Variants in TNFSF18 observed in about 807,000 individuals in gnomAD.
TNFSF18 encodes TNF superfamily member 18, also known as tumor necrosis factor ligand superfamily member 18.
Under a neutral mutation model 9.6 loss-of-function variants are expected in TNFSF18, and 6 were observed. The ratio of observed to expected loss-of-function variants is 0.63; its 90% CI spans 0.34 to 1.24. TNFSF18 has a LOEUF of 1.24. Ranked by LOEUF, TNFSF18 falls within the 50% of genes most tolerant of loss-of-function variation. The pLI is 0.03. For synonymous variants in TNFSF18, 68 were observed against 71.7 expected, an observed-to-expected ratio of 0.95 and a Z score of 0.26; for missense variants, 210 against 201.0, an observed-to-expected ratio of 1.04 and a Z score of -0.27.
At chr1:173,044,099 T>C (rs1354380263) in intron 1 of TNFSF18, 130 bp from the exon 2 acceptor site, 11 of 864,798 alleles carry the variant, frequency 1.3e-5, no homozygotes, top group Non-Finnish European at 2.1e-5. Context: ...AATCCTTCCC[T>C]TCACCATGTC....
intron 2 of TNFSF18, among the ~76,000 whole-genome samples, chr1:173,042,296 A>G (rs1665006857): frequency 6.6e-6 from 1 of 152,158 alleles, no homozygotes; most frequent in Non-Finnish European, 1.5e-5. Context: ...CTTTGAATGT[A>G]AAATTTTTTA....
At chr1:173,042,158 G>T (rs1665004939) in intron 2 of TNFSF18, among the ~76,000 whole-genome samples, 1 of 152,064 alleles carries the variant, frequency 6.6e-6, no homozygotes, top group Non-Finnish European at 1.5e-5. Flanking sequence ...CCTTAATTAT[G>T]CTATATTAAA....
rs181564227 is a variant in TNFSF18 at position 173,048,446 on chromosome 1, T to A, written c.156+2295A>T. Among the ~76,000 whole-genome samples, 316 of 152,272 alleles carry A rather than the reference T, an allele frequency of 2.1e-3. 3 individuals carry two copies. The highest frequency in any genetic ancestry group is 0.019 in the South Asian group (91 of 4,812). ...AATCTGCTCTGCTTTTAAGTATAAG[T>A]ACAACTTCCCCTTCTGAAAGTATCC... On this transcript the variant is annotated intron_variant, in intron 1 of 2. Coordinates refer to ENST00000404377, the MANE Select transcript of TNFSF18 (RefSeq NM_005092.4).
intron 1 of TNFSF18, among the ~76,000 whole-genome samples, chr1:173,045,370 T>C (rs916890530): frequency 6.6e-6 from 1 of 152,198 alleles, no homozygotes; most frequent in South Asian, 2.1e-4. Context: ...AAGTATTTCA[T>C]GAAGGACGAG....
chr1:173,039,912 C>G lies in TNFSF18; in HGVS notation c.*1455G>C, dbSNP rs978211146. On this transcript the variant is annotated 3_prime_UTR_variant, in exon 3 of 3. Coordinates refer to ENST00000404377, the MANE Select transcript of TNFSF18 (RefSeq NM_005092.4). The stretch of plus-strand genomic sequence containing the variant: ...AACTTGGCCTCAGGCTTAGCATGCT[C>G]CTGAGCAATTTTTGTTAAACAAAAT... 1 of 150,600 alleles carries G rather than the reference C, an allele frequency of 6.6e-6. No individual in the cohort carries two copies. Among genetic ancestry groups the G allele is most frequent in the Non-Finnish European group, 1.5e-5 (1 of 67,778 alleles). 9.3% of individuals were successfully genotyped at this position (150,600 alleles called of 1,614,324 possible).
Position 173,044,004 on chromosome 1 carries a change from G to A in TNFSF18, c.157-35C>T. The A allele has an allele frequency of 1.9e-6, 3 of 1,589,344 alleles. No homozygotes were observed. In the East Asian group the frequency reaches 6.7e-5, roughly 36 times the overall value. On this transcript the variant is annotated intron_variant, in intron 1 of 2. Coordinates refer to ENST00000404377, the MANE Select transcript of TNFSF18 (RefSeq NM_005092.4). ...AAATAAAAGATGAATTGATTAGGATGATGACAGTGTCATTAATTTTTTTGA... is the reference window on the plus strand; with the variant it reads ...AAATAAAAGATGAATTGATTAGGATAATGACAGTGTCATTAATTTTTTTGA...
intron 2 of TNFSF18, among the ~76,000 whole-genome samples, chr1:173,042,152 A>T (rs1024332675): frequency 6.6e-6 from 1 of 152,154 alleles, no homozygotes; most frequent in South Asian, 2.1e-4. Flanking sequence ...GGCTTTCCTT[A>T]ATTATGCTAT....
chr1:173,044,265 C>A (rs918379958), intron 1 of TNFSF18, among the ~76,000 whole-genome samples: 13 of 151,536 alleles, frequency 8.6e-5, no homozygotes, highest in Non-Finnish European at 8.8e-5. Context: ...ACCCCCCCCC[C>A]AACCTTGGGC....
At chr1:173,049,871 T>A (rs1665141424) in intron 1 of TNFSF18, among the ~76,000 whole-genome samples, 1 of 152,176 alleles carries the variant, frequency 6.6e-6, no homozygotes, top group Non-Finnish European at 1.5e-5. Flanking sequence ...TGAGGAAAGA[T>A]TTTTTAGTAA....
rs1193768964 is a variant in TNFSF18, at chr1:173,040,116, A to G, written c.*1251T>C. On this transcript the variant is annotated 3_prime_UTR_variant, in exon 3 of 3. Transcript: ENST00000404377. ...AAATTTTGAATTAGTGCTATTTATT[A>G]TTTTAGAAGTTAGCACATTTGACTA... 4 of 151,990 alleles carry G rather than the reference A, an allele frequency of 2.6e-5. No homozygotes were observed. Among genetic ancestry groups the G allele is most frequent in the Non-Finnish European group, 5.9e-5 (4 of 68,010 alleles). The allele number at this position is 151,990 out of a possible 1,614,324, so 9.4% of individuals were successfully genotyped here.
At position 173,041,320 on chromosome 1, in the gene TNFSF18, G is replaced by A; in HGVS notation, c.*47C>T. 7.0e-7 allele frequency: 1 copy of A among 1,425,582 alleles called. No individual in the cohort carries two copies. The highest frequency in any genetic ancestry group is 9.5e-7 in the Non-Finnish European group (1 of 1,048,086). The allele number at this position is 1,425,582 out of a possible 1,614,324, so 88.3% of individuals were successfully genotyped here. ...ATCTTCTCCCTCCAATCCACCCACT[G>A]GCACCTCTACATGTGCTGAAGGGAA... On this transcript the variant is annotated 3_prime_UTR_variant, in exon 3 of 3. Coordinates refer to ENST00000404377, the MANE Select transcript of TNFSF18 (RefSeq NM_005092.4).
rs1380187143 is a variant in TNFSF18 at position 173,039,801 on chromosome 1, T to C, written c.*1566A>G. 1.3e-5 allele frequency among the ~76,000 whole-genome samples: 2 copies of C among 151,698 alleles called. No homozygotes were observed. Among genetic ancestry groups the C allele is most frequent in the Admixed American group, 6.6e-5 (1 of 15,188 alleles). On this transcript the variant is annotated 3_prime_UTR_variant, in exon 3 of 3. Coordinates refer to ENST00000404377, the MANE Select transcript of TNFSF18 (RefSeq NM_005092.4). ...CACACTTTAATTTCCTGAGAAGATA[T>C]GCAAATGCAACAGAAACAAGCTCTC...
Position 173,041,199 on chromosome 1 carries a change from A to C in TNFSF18, c.*168T>G, listed in dbSNP as rs1269530512. 8 of 573,582 alleles carry C rather than the reference A, an allele frequency of 1.4e-5. No individual in the cohort carries two copies. Among genetic ancestry groups the C allele is most frequent in the Non-Finnish European group, 2.1e-5 (7 of 335,984 alleles). The allele number at this position is 573,582 out of a possible 1,614,324, so 35.5% of individuals were successfully genotyped here. A position where few individuals can be genotyped will look rare whatever the true frequency, so the allele number is the denominator to read the frequency against. Reference sequence around the variant, plus strand: ...CCAAAAGTCTTTGGCTCTTCCCCTGAGTCTCTTTCAGATAGGCATGATAGA... The same window carrying C: ...CCAAAAGTCTTTGGCTCTTCCCCTGCGTCTCTTTCAGATAGGCATGATAGA... On this transcript the variant is annotated 3_prime_UTR_variant, in exon 3 of 3. Coordinates refer to ENST00000404377, the MANE Select transcript of TNFSF18 (RefSeq NM_005092.4).
At chr1:173,042,191 C>T (rs892274653) in intron 2 of TNFSF18, among the ~76,000 whole-genome samples, 1 of 152,172 alleles carries the variant, frequency 6.6e-6, no homozygotes, top group African/African-American at 2.4e-5. Context: ...ATCATTCCCT[C>T]ATTTTACCTT....
intron 1 of TNFSF18, among the ~76,000 whole-genome samples, chr1:173,045,353 G>A (rs1244229522): frequency 1.3e-5 from 2 of 152,148 alleles, no homozygotes; most frequent in East Asian, 3.9e-4. Context: ...TGGAAGCCAA[G>A]AAAAGAAAGT....
At position 173,040,337 on chromosome 1, in the gene TNFSF18, C is replaced by G. The variant is rs934647477; in HGVS notation, c.*1030G>C. 1 of 152,052 alleles carries G rather than the reference C, an allele frequency of 6.6e-6. No homozygotes were observed. Among genetic ancestry groups the G allele is most frequent in the Non-Finnish European group, 1.5e-5 (1 of 68,000 alleles). The allele number at this position is 152,052 out of a possible 1,614,324, so 9.4% of individuals were successfully genotyped here. A position where few individuals can be genotyped will look rare whatever the true frequency, so the allele number is the denominator to read the frequency against. On this transcript the variant is annotated 3_prime_UTR_variant, in exon 3 of 3. Transcript: ENST00000404377. Reference sequence around the variant, plus strand: ...AAGTGAATTCGCTAAGTTTTAGAGTCTTATAACACGATAGCAGAAATAACA... The same window carrying G: ...AAGTGAATTCGCTAAGTTTTAGAGTGTTATAACACGATAGCAGAAATAACA...
At position 173,040,301 on chromosome 1, in the gene TNFSF18, T is replaced by C. The variant is rs762691626; in HGVS notation, c.*1066A>G. 2.0e-5 allele frequency: 3 copies of C among 152,030 alleles called. No homozygotes were observed. Among genetic ancestry groups the C allele is most frequent in the Admixed American group, 6.6e-5 (1 of 15,250 alleles). 9.4% of individuals were successfully genotyped at this position (152,030 alleles called of 1,614,324 possible). On this transcript the variant is annotated 3_prime_UTR_variant, in exon 3 of 3. Coordinates refer to ENST00000404377, the MANE Select transcript of TNFSF18 (RefSeq NM_005092.4). The stretch of plus-strand genomic sequence containing the variant: ...GCTCACCTTGGGCTAAAGGGGAATA[T>C]GCTTCCTGAAAAGTGAATTCGCTAA...
At chr1:173,046,549 T>C (rs1280904814) in intron 1 of TNFSF18, among the ~76,000 whole-genome samples, 1 of 152,200 alleles carries the variant, frequency 6.6e-6, no homozygotes, top group South Asian at 2.1e-4. Flanking sequence ...ATAAAATAAA[T>C]GCATTCACCA....
At chr1:173,047,672 T>C (rs1327121200) in intron 1 of TNFSF18, among the ~76,000 whole-genome samples, 1 of 152,178 alleles carries the variant, frequency 6.6e-6, no homozygotes, top group East Asian at 1.9e-4. Context: ...TCTACTAGCA[T>C]GTATGAGATG....
Sources: allele counts gnomAD v4.1 joint callset (sites outside exome capture counted in the v4.1 genomes callset), GRCh38; gene constraint gnomAD v4.1.1; transcripts MANE v1.5; gene names NCBI Gene and HGNC (gene_info 2026-07-23, HGNC 2026-07-21).